PREPL: variants seen among roughly 807,000 people sequenced by gnomAD.
PREPL encodes the protein prolyl endopeptidase like, also known as prolyl endopeptidase-like.
In PREPL, 77 loss-of-function variants were observed where a neutral mutation model predicts 70.6. The observed-to-expected ratio is 1.09, with a 90% CI of 0.91 to 1.32. The LOEUF (loss-of-function observed/expected upper bound fraction) is 1.32, where lower values mean the gene tolerates loss of function less well. Ranked by LOEUF, PREPL falls within the 40% of genes most tolerant of loss-of-function variation. The pLI is 0.00. For synonymous variants in PREPL, 315 were observed against 264.8 expected, an observed-to-expected ratio of 1.19 and a Z score of -1.84; for missense variants, 1,002 against 778.2, an observed-to-expected ratio of 1.29 and a Z score of -3.42.
Position 44,318,940 on chromosome 2 carries a change from A to T in PREPL, c.*2416T>A, listed in dbSNP as rs1451530280. ...GCAAAATCAACAAATCTGCAATTAC[A>T]GAAAAAGACTTCAACATACTTTTAG... On this transcript the variant is annotated 3_prime_UTR_variant, in exon 14 of 14. Transcript: ENST00000409411. The T allele has an allele frequency of 6.6e-6, 1 of 152,240 alleles. No homozygotes were observed. The highest frequency in any genetic ancestry group is 2.4e-5 in the African/African-American group (1 of 41,468). 9.4% of individuals were successfully genotyped at this position (152,240 alleles called of 1,614,324 possible).
chr2:44,339,267 C>T lies in PREPL; in HGVS notation c.582G>A (p.Leu194=), dbSNP rs770447445. The T allele has an allele frequency of 6.2e-6, 10 of 1,613,982 alleles. No homozygotes were observed. Among genetic ancestry groups the T allele is most frequent in the Non-Finnish European group, 7.6e-6 (9 of 1,180,012 alleles). The change falls in exon 6 of 14, where the codon CTG becomes CTA. Residue 194 remains leucine (L), a synonymous_variant. Coordinates refer to ENST00000409411, the MANE Select transcript of PREPL (RefSeq NM_001171613.2). ...TAAGTACTGGTGGGTCCCAAGGGCT[C>T]AGGCCATCTATCAACCACACTTCAG... is the stretch of plus-strand genomic sequence containing the variant. ...TTSEVWLIDG[L]SPWDPPVLIQ... is the part of the protein sequence containing the mutation.
intron 13 of PREPL, 60 bp from the exon 14 acceptor site, chr2:44,321,505 T>C (rs1398188371): frequency 6.3e-7 from 1 of 1,576,126 alleles, no homozygotes; most frequent in Non-Finnish European, 8.6e-7. Flanking sequence ...TGCCACTGTT[T>C]AAGCTTCTCT....
intron 9 of PREPL, among the ~76,000 whole-genome samples, chr2:44,328,201 G>A (rs1352872630): frequency 2.0e-5 from 3 of 148,578 alleles, no homozygotes; most frequent in East Asian, 2.0e-4. Context: ...CAGGAGAATC[G>A]CTTGAACCCT....
chr2:44,342,320 C>T lies in PREPL; in HGVS notation c.485+97G>A, dbSNP rs557818637. On this transcript the variant is annotated intron_variant, in intron 5 of 13. Coordinates refer to ENST00000409411, the MANE Select transcript of PREPL (RefSeq NM_001171613.2). ...CGTTTTAGCCTTATTATTCCTGGTT[C>T]CAACCAAAATAAACGTTTTAAGTCA... The T allele has an allele frequency of 7.0e-6, 8 of 1,149,376 alleles. No homozygotes were observed. The Admixed American group carries it at 1.2e-4, about 18-fold the overall frequency. 71.2% of individuals were successfully genotyped at this position (1,149,376 alleles called of 1,614,324 possible).
At chr2:44,338,210 T>C (rs550968891) in intron 7 of PREPL, 141 bp downstream of exon 7, 23 of 787,508 alleles carry the variant, frequency 2.9e-5, no homozygotes, top group Admixed American at 1.6e-4. Context: ...AACCCAAGAG[T>C]GACTTTGCTA....
At chr2:44,332,721 C>A in intron 7 of PREPL, 65 bp from the exon 8 acceptor site, 1 of 1,305,824 alleles carries the variant, frequency 7.7e-7, no homozygotes, top group Non-Finnish European at 1.1e-6. Context: ...AATTAAATTT[C>A]TAAGTCTTCT....
chr2:44,317,928 C>A lies in PREPL; in HGVS notation c.*3428G>T. The A allele has an allele frequency of 4.1e-6, 1 of 246,362 alleles. No homozygotes were observed. Among genetic ancestry groups the A allele is most frequent in the South Asian group, 3.7e-5 (1 of 27,348 alleles). The allele number at this position is 246,362 out of a possible 1,614,324, so 15.3% of individuals were successfully genotyped here. ...AGACATAAGAAACACTAACATAAAA[C>A]ACAAAGAATTAAAATGAAGATATAG... On this transcript the variant is annotated 3_prime_UTR_variant, in exon 14 of 14. Coordinates refer to ENST00000409411, the MANE Select transcript of PREPL (RefSeq NM_001171613.2).
intron 2 of PREPL, 70 bp from the exon 3 acceptor site, chr2:44,344,656 A>G: frequency 8.5e-7 from 1 of 1,179,570 alleles, no homozygotes; most frequent in Non-Finnish European, 1.2e-6. Context: ...ACTATTCAAG[A>G]TGAAGATGAA....
intron 9 of PREPL, among the ~76,000 whole-genome samples, chr2:44,328,294 C>T (rs2103775405): frequency 9.0e-6 from 1 of 111,018 alleles, no homozygotes; most frequent in East Asian, 2.3e-4. Flanking sequence ...AAAATTCAGA[C>T]AGTGTGGTGG....
rs778521381 is a variant in PREPL, at chr2:44,332,545, C to A, written c.1000G>T (p.Ala334Ser). Residue 334 changes from alanine to serine, a missense_variant, in exon 8 of 14, where the codon GCA (alanine) becomes TCA (serine). Transcript: ENST00000409411. ...RPPKYYTYKF[A>S]EGKLFEETGH... ...GTTTCCTCAAACAGTTTGCCTTCTG[C>A]AAACTTGTATGTGTAATATTTTGGG... is the stretch of plus-strand genomic sequence containing the variant. The A allele has an allele frequency of 2.6e-5, 42 of 1,613,924 alleles. No individual in the cohort carries two copies. Among genetic ancestry groups the A allele is most frequent in the Non-Finnish European group, 3.2e-5 (38 of 1,179,926 alleles).
intron 8 of PREPL, among the ~76,000 whole-genome samples, chr2:44,329,500 A>G (rs1347177476): frequency 6.6e-6 from 1 of 152,182 alleles, no homozygotes; most frequent in African/African-American, 2.4e-5. Context: ...TAAGAGCTAG[A>G]TATTGGCATT....
rs781553608 is a variant in PREPL at position 44,321,396 on chromosome 2, G to A, written c.1877C>T (p.Thr626Ile). The A allele has an allele frequency of 1.2e-6, 2 of 1,612,766 alleles. No individual in the cohort carries two copies. The highest frequency in any genetic ancestry group is 3.3e-5 in the Admixed American group (2 of 59,968). Residue 626 changes from threonine to isoleucine, a missense_variant, in exon 14 of 14, where the codon ACC becomes ATC. Transcript: ENST00000409411. Reference protein sequence around the residue: ...FLYEELGLDSTSVFEDLKKYL... With the variant: ...FLYEELGLDSISVFEDLKKYL... ...TTTCTTAAGATCCTCGAAAACACTG[G>A]TGCTGTCAAGTCCAAGTTCCTCGTA... is the stretch of plus-strand genomic sequence containing the variant.
chr2:44,346,826 A>G (rs1675879654), intron 1 of PREPL, among the ~76,000 whole-genome samples: 1 of 152,154 alleles, frequency 6.6e-6, no homozygotes, highest in African/African-American at 2.4e-5. Flanking sequence ...GAAGGGAAAT[A>G]TCAAAGAAGT....
intron 1 of PREPL, among the ~76,000 whole-genome samples, chr2:44,351,529 C>A (rs1055114618): frequency 2.0e-4 from 28 of 141,548 alleles, no homozygotes; most frequent in Non-Finnish European, 3.6e-4. Flanking sequence ...AAAAAAAAAA[C>A]AAAACCCTGT....
At chr2:44,351,455 A>G (rs957994499) in intron 1 of PREPL, among the ~76,000 whole-genome samples, 1 of 151,968 alleles carries the variant, frequency 6.6e-6, no homozygotes, top group Non-Finnish European at 1.5e-5. Flanking sequence ...TAGATGTCTA[A>G]TATGCCAAAA....
intron 1 of PREPL, among the ~76,000 whole-genome samples, chr2:44,358,951 C>T (rs1461311788): frequency 4.0e-5 from 6 of 151,798 alleles, no homozygotes; most frequent in East Asian, 3.9e-4. Flanking sequence ...TTTAGAAGGC[C>T]GAATTATACT....
chr2:44,353,791 TCAGA>T (rs1001772218), intron 1 of PREPL, among the ~76,000 whole-genome samples: 4 of 151,890 alleles, frequency 2.6e-5, no homozygotes, highest in African/African-American at 7.3e-5. Context: ...CAAATGTTGC[TCAGA>T]CAATGGATAT....
At chr2:44,342,636 G>C in intron 4 of PREPL, 84 bp from the exon 5 acceptor site, 1 of 1,082,422 alleles carries the variant, frequency 9.2e-7, no homozygotes. Context: ...TTCTAATTTT[G>C]AATGCCAGTG....
At chr2:44,321,975 C>CCT in intron 12 of PREPL, 75 bp from the exon 13 acceptor site, 2 of 1,429,016 alleles carry the variant, frequency 1.4e-6, no homozygotes, top group Non-Finnish European at 1.9e-6. Context: ...CCATTCCTCC[C>CCT]CTCTTCTTTG....
Sources: allele counts gnomAD v4.1 joint callset (sites outside exome capture counted in the v4.1 genomes callset), GRCh38; gene constraint gnomAD v4.1.1; transcripts MANE v1.5; gene names NCBI Gene and HGNC (gene_info 2026-07-23, HGNC 2026-07-21).